PBX3: variants seen among roughly 807,000 people sequenced by gnomAD.
The protein encoded by PBX3 is pre-B-cell leukemia transcription factor 3.
Under a neutral mutation model 48.5 loss-of-function variants are expected in PBX3, and 14 were observed. The ratio of observed to expected loss-of-function variants is 0.29; its 90% CI spans 0.19 to 0.45. PBX3 has a LOEUF of 0.45. Among genes scored for constraint, PBX3 ranks in the 20% least tolerant of loss-of-function variants. The probability of loss-of-function intolerance (pLI) is 1.00; values close to 1 mark genes in which losing one functional copy is unlikely to be tolerated. For synonymous variants in PBX3, 210 were observed against 200.3 expected (o/e 1.05, Z -0.41); for missense variants, 386 against 546.7 (o/e 0.71, Z 2.93).
intron 2 of PBX3, among the ~76,000 whole-genome samples, chr9:125,763,204 T>G (rs1836714646): frequency 2.0e-5 from 3 of 152,158 alleles, no homozygotes; most frequent in African/African-American, 7.2e-5. Flanking sequence ...ATGCCCTTTG[T>G]GGGGGAAAAA....
At chr9:125,843,115 A>G (rs1839331082) in intron 2 of PBX3, among the ~76,000 whole-genome samples, 2 of 152,110 alleles carry the variant, frequency 1.3e-5, no homozygotes, top group African/African-American at 2.4e-5. Context: ...CTGTGAATAC[A>G]GGTCTCCCTA....
chr9:125,801,241 TTC>T (rs1196936168), intron 2 of PBX3, among the ~76,000 whole-genome samples: 1 of 152,228 alleles, frequency 6.6e-6, no homozygotes, highest in Non-Finnish European at 1.5e-5. Flanking sequence ...TTTGAAGTAC[TTC>T]TCTGTTTTCA....
chr9:125,929,539 C>G, intron 3 of PBX3, 116 bp from the exon 4 acceptor site: 1 of 683,496 alleles, frequency 1.5e-6, no homozygotes. Context: ...TCATTTTACC[C>G]TACACACTGT....
chr9:125,875,782 A>G (rs1050912032), intron 2 of PBX3, among the ~76,000 whole-genome samples: 9 of 152,266 alleles, frequency 5.9e-5, no homozygotes, highest in East Asian at 3.9e-4. Flanking sequence ...ATTTTTTGCT[A>G]TTTATAAATT....
chr9:125,789,520 A>G (rs1837543661), intron 2 of PBX3, among the ~76,000 whole-genome samples: 1 of 152,168 alleles, frequency 6.6e-6, no homozygotes, highest in Non-Finnish European at 1.5e-5. Context: ...AGGGCAGCTT[A>G]CAGCATGGCA....
At chr9:125,811,135 TGAAG>T (rs1173578207) in intron 2 of PBX3, among the ~76,000 whole-genome samples, 1 of 152,226 alleles carries the variant, frequency 6.6e-6, no homozygotes, top group African/African-American at 2.4e-5. Context: ...AGTTGGCTGA[TGAAG>T]GAAGGCCTGT....
intron 2 of PBX3, 80 bp from the exon 3 acceptor site, chr9:125,915,606 C>G (rs977812033): frequency 3.7e-6 from 4 of 1,083,542 alleles, no homozygotes; most frequent in Non-Finnish European, 5.2e-6. Context: ...ATCATTTTCT[C>G]GAATAAACAA....
intron 1 of PBX3, 130 bp from the exon 2 acceptor site, chr9:125,748,420 C>T: frequency 6.9e-7 from 1 of 1,452,306 alleles, no homozygotes; most frequent in South Asian, 1.4e-5. Context: ...TTTTTGTTGA[C>T]TTCCCACGGT....
chr9:125,774,927 A>ACT (rs1177690392), intron 2 of PBX3, among the ~76,000 whole-genome samples: 10 of 151,324 alleles, frequency 6.6e-5, no homozygotes, highest in Admixed American at 2.0e-4. Flanking sequence ...ACTGGAGTAT[A>ACT]GTGGCGCAAC....
chr9:125,916,628 TTAAC>T (rs1841341300), intron 3 of PBX3, among the ~76,000 whole-genome samples: 2 of 152,240 alleles, frequency 1.3e-5, no homozygotes, highest in East Asian at 3.8e-4. Context: ...TACTGCTAGT[TTAAC>T]TATAAAATAT....
intron 2 of PBX3, among the ~76,000 whole-genome samples, chr9:125,907,101 G>A (rs992651274): frequency 6.6e-6 from 1 of 151,900 alleles, no homozygotes; most frequent in African/African-American, 2.4e-5. Context: ...CATCAAAATG[G>A]CATTCTATTT....
chr9:125,943,013 T>C (rs911068585), intron 5 of PBX3, among the ~76,000 whole-genome samples: 15 of 152,196 alleles, frequency 9.9e-5, no homozygotes, highest in Middle Eastern at 3.4e-3. Flanking sequence ...TATTTTAGAA[T>C]TGACTATTTT....
chr9:125,836,105 C>G (rs898363554), intron 2 of PBX3, among the ~76,000 whole-genome samples: 5 of 152,148 alleles, frequency 3.3e-5, no homozygotes, highest in Non-Finnish European at 7.4e-5. Context: ...AAGTGAGGCA[C>G]AGAAACACAA....
intron 2 of PBX3, among the ~76,000 whole-genome samples, chr9:125,849,894 G>A (rs533499822): frequency 1.9e-4 from 29 of 151,902 alleles, no homozygotes; most frequent in Non-Finnish European, 4.1e-4. Flanking sequence ...AACTGTTTGG[G>A]TGTTTTCAGA....
intron 2 of PBX3, among the ~76,000 whole-genome samples, chr9:125,842,479 G>A (rs572572591): frequency 6.6e-6 from 1 of 152,196 alleles, no homozygotes; most frequent in East Asian, 1.9e-4. Flanking sequence ...TTTTCATTTT[G>A]CATTTAATGT....
intron 5 of PBX3, among the ~76,000 whole-genome samples, chr9:125,941,821 A>G (rs995531150): frequency 6.6e-6 from 1 of 152,226 alleles, no homozygotes; most frequent in Admixed American, 6.5e-5. Context: ...GAGCTAATTT[A>G]CATTGATTAT....
At chr9:125,841,769 C>A (rs1451250266) in intron 2 of PBX3, among the ~76,000 whole-genome samples, 1 of 152,108 alleles carries the variant, frequency 6.6e-6, no homozygotes, top group Non-Finnish European at 1.5e-5. Context: ...GTTAAAGAAT[C>A]AAGGGAGATT....
At chr9:125,904,862 G>C (rs1404405123) in intron 2 of PBX3, among the ~76,000 whole-genome samples, 1 of 151,820 alleles carries the variant, frequency 6.6e-6, no homozygotes, top group Non-Finnish European at 1.5e-5. Flanking sequence ...TGTTATTGCA[G>C]ACATTCTGTG....
At chr9:125,911,630 C>T (rs913540881) in intron 2 of PBX3, among the ~76,000 whole-genome samples, 1 of 152,072 alleles carries the variant, frequency 6.6e-6, no homozygotes, top group Admixed American at 6.6e-5. Context: ...ACATTTTTCT[C>T]TGAGCTAAGA....
Sources: gnomAD v4.1 joint callset for allele counts (sites outside exome capture counted in the v4.1 genomes callset) on GRCh38, gnomAD v4.1.1 for gene constraint, MANE v1.5 for transcripts, NCBI Gene and HGNC (gene_info 2026-07-23, HGNC 2026-07-21) for gene names.